The following PREX2 variants were observed in gnomAD, a reference collection of about 807,000 sequenced individuals.
PREX2 encodes the protein phosphatidylinositol 3,4,5-trisphosphate-dependent Rac exchanger 2 protein.
In PREX2, 107 loss-of-function variants were observed where a neutral mutation model predicts 203.2. The observed-to-expected ratio is 0.53, with a 90% CI of 0.45 to 0.62. The LOEUF is 0.62. Ranked by LOEUF, PREX2 falls within the 20% of genes least tolerant of loss-of-function variation. The pLI is 0.00. For missense variants in PREX2, 1,777 were observed against 1,955.9 expected (o/e 0.91, Z 1.72); for synonymous variants, 672 against 663.6 (o/e 1.01, Z -0.19).
intron 9 of PREX2, among the ~76,000 whole-genome samples, chr8:68,054,156 A>G (rs1407285690): frequency 6.6e-6 from 1 of 152,214 alleles, no homozygotes. Flanking sequence ...TTCATGGTAC[A>G]TACTTGTAGA....
chr8:68,001,399 A>G (rs1806934479), intron 1 of PREX2, among the ~76,000 whole-genome samples: 1 of 152,218 alleles, frequency 6.6e-6, no homozygotes, highest in South Asian at 2.1e-4. Flanking sequence ...TGGAGTTACC[A>G]TCTTACTCCA....
At chr8:68,100,313 C>G in intron 23 of PREX2, 15 of 421,556 alleles carry the variant, frequency 3.6e-5, no homozygotes, top group South Asian at 2.6e-4. Context: ...GTGCCAAGTA[C>G]TGTTCTAGGT....
chr8:68,195,123 TA>T (rs1812370587), intron 37 of PREX2, among the ~76,000 whole-genome samples: 1 of 152,234 alleles, frequency 6.6e-6, no homozygotes, highest in African/African-American at 2.4e-5. Context: ...ATCTGCCATT[TA>T]ACCCTAGAGA....
intron 1 of PREX2, chr8:67,952,814 C>T (rs1362505628): frequency 9.4e-6 from 5 of 532,238 alleles, no homozygotes; most frequent in Non-Finnish European, 1.7e-5. Flanking sequence ...CCAGGGAATC[C>T]CGGCTGCCCT....
intron 39 of PREX2, among the ~76,000 whole-genome samples, chr8:68,228,592 C>T (rs1327436723): frequency 1.3e-5 from 2 of 151,940 alleles, no homozygotes; most frequent in Non-Finnish European, 2.9e-5. Flanking sequence ...GAAACCCCAT[C>T]TCTACTAAAA....
rs778744186 is a variant in PREX2, at chr8:68,099,816, A to G, written c.2688A>G (p.Leu896=). ...TTTGCAGTGAAAGAATTGAACACCT[A>G]TGTCAGAGAATATCCAGTTATAAAA... ...SALCSERIEH[L]CQRISSYKKF... The change falls in exon 23 of 40, where the codon CTA becomes CTG. Residue 896 remains leucine (L), a synonymous_variant. Transcript: ENST00000288368. The G allele has an allele frequency of 1.2e-6, 2 of 1,611,740 alleles. No individual in the cohort carries two copies. The highest frequency in any genetic ancestry group is 1.3e-5 in the African/African-American group (1 of 74,864).
chr8:67,999,398 C>G (rs933743072), intron 1 of PREX2, among the ~76,000 whole-genome samples: 1 of 146,420 alleles, frequency 6.8e-6, no homozygotes, highest in Admixed American at 7.1e-5. Context: ...TCTCCCAAGA[C>G]TGAACCATGA....
chr8:68,115,270 C>T (rs535216748), intron 25 of PREX2, among the ~76,000 whole-genome samples: 5 of 152,184 alleles, frequency 3.3e-5, no homozygotes, highest in East Asian at 3.9e-4. Flanking sequence ...TTAGGTGATC[C>T]GCCTGCCTTG....
intron 1 of PREX2, among the ~76,000 whole-genome samples, chr8:68,015,737 G>T (rs1010647968): frequency 6.6e-6 from 1 of 152,098 alleles, no homozygotes; most frequent in Non-Finnish European, 1.5e-5. Context: ...ACATTTTTGC[G>T]ATGAGTATGT....
At chr8:67,992,604 T>A (rs899883232) in intron 1 of PREX2, among the ~76,000 whole-genome samples, 1 of 152,236 alleles carries the variant, frequency 6.6e-6, no homozygotes, top group Non-Finnish European at 1.5e-5. Context: ...GATGTTCTAG[T>A]ACAGCATACA....
chr8:68,156,099 C>T (rs545168496), intron 34 of PREX2, among the ~76,000 whole-genome samples: 3 of 152,072 alleles, frequency 2.0e-5, no homozygotes, highest in African/African-American at 4.8e-5. Flanking sequence ...CTTACTCTGT[C>T]CCCCAGACTG....
chr8:67,986,488 T>A (rs68178837), intron 1 of PREX2, among the ~76,000 whole-genome samples: 5 of 94,262 alleles, frequency 5.3e-5, no homozygotes, highest in Non-Finnish European at 8.1e-5. Context: ...AGGTGGCTTG[T>A]CTACGTGCAA....
rs964879911 is a variant in PREX2 at position 68,090,582 on chromosome 8, C to T, written c.2117C>T (p.Thr706Ile). The change falls in exon 20 of 40, where the codon ACT becomes ATT. Residue 706 changes from threonine to isoleucine, a missense_variant. Transcript: ENST00000288368. ...PSVVHAVGRG[T>I]VAAAAGLHPG... is the part of the protein sequence containing the mutation. ...ATTTTCTCATTTGTATTTATAGGAA[C>T]TGTGGCTGCAGCAGCTGGTCTTCAC... 6.2e-7 allele frequency: 1 copy of T among 1,603,262 alleles called. No homozygotes were observed. Among genetic ancestry groups the T allele is most frequent in the Non-Finnish European group, 8.5e-7 (1 of 1,172,228 alleles).
At chr8:67,985,376 A>G (rs1213460371) in intron 1 of PREX2, among the ~76,000 whole-genome samples, 7 of 152,182 alleles carry the variant, frequency 4.6e-5, no homozygotes, top group Admixed American at 2.0e-4. Flanking sequence ...TTTAATTTCA[A>G]TGACCATATT....
At chr8:67,979,877 C>T (rs1443912010) in intron 1 of PREX2, among the ~76,000 whole-genome samples, 1 of 152,146 alleles carries the variant, frequency 6.6e-6, no homozygotes, top group African/African-American at 2.4e-5. Context: ...ACTCTGAGTA[C>T]TTCAAGTTTC....
chr8:68,062,626 T>C (rs1007909698), intron 11 of PREX2, among the ~76,000 whole-genome samples: 4 of 152,258 alleles, frequency 2.6e-5, no homozygotes, highest in Non-Finnish European at 5.9e-5. Flanking sequence ...GGAGCCTTTC[T>C]AAGTGGTAGA....
intron 1 of PREX2, among the ~76,000 whole-genome samples, chr8:68,011,665 C>CA (rs951715829): frequency 5.9e-5 from 9 of 151,922 alleles, no homozygotes; most frequent in Non-Finnish European, 1.0e-4. Flanking sequence ...TTAATGTTAG[C>CA]AATTGAGTCA....
At chr8:68,195,676 C>G (rs1812380492) in intron 37 of PREX2, among the ~76,000 whole-genome samples, 1 of 152,118 alleles carries the variant, frequency 6.6e-6, no homozygotes, top group Non-Finnish European at 1.5e-5. Context: ...GGTTTACCCT[C>G]AGGTTCTGAC....
chr8:67,988,834 T>G (rs906021097), intron 1 of PREX2, among the ~76,000 whole-genome samples: 2 of 152,192 alleles, frequency 1.3e-5, no homozygotes, highest in Non-Finnish European at 2.9e-5. Context: ...CCCCACCCCA[T>G]GGACTGTGAG....
Sources: gnomAD v4.1 joint callset for allele counts (sites outside exome capture counted in the v4.1 genomes callset) on GRCh38, gnomAD v4.1.1 for gene constraint, MANE v1.5 for transcripts, NCBI Gene and HGNC (gene_info 2026-07-23, HGNC 2026-07-21) for gene names.